Variants in MEGF8 observed in about 807,000 individuals in gnomAD.
MEGF8 encodes the protein multiple EGF like domains 8.
MEGF8 carries 156 observed loss-of-function variants against 302.9 expected under a neutral mutation model. The observed-to-expected ratio is 0.52, with a 90% CI of 0.45 to 0.59. MEGF8 has a LOEUF of 0.59. MEGF8 is among the 20% of genes least tolerant of loss of function. MEGF8 has a pLI of 0.00. For synonymous variants in MEGF8, 1,621 were observed against 1,660.5 expected (o/e 0.98, Z 0.58); for missense variants, 3,345 against 3,964.5 (o/e 0.84, Z 4.20).
rs1260384829 is a variant in MEGF8 at position 42,376,249 on chromosome 19, A to G, written c.8012A>G (p.Lys2671Arg). 1.9e-6 allele frequency: 3 copies of G among 1,608,838 alleles called. No individual in the cohort carries two copies. In the Admixed American group the frequency reaches 5.1e-5, roughly 27 times the overall value. The change falls in exon 42 of 42, where the codon AAG becomes AGG. Residue 2671 changes from lysine to arginine, a missense_variant. Coordinates refer to ENST00000251268, the MANE Select transcript of MEGF8 (RefSeq NM_001271938.2). The surrounding 1 kb of genome is among the most constrained non-coding windows in gnomAD (Gnocchi z 8.2). Reference sequence around the variant, plus strand: ...CTCTCACTCTGTGTGCTCCTCTGGAAGGCCAAGCAGGCTCTGGACCAGCGG... The same window carrying G: ...CTCTCACTCTGTGTGCTCCTCTGGAGGGCCAAGCAGGCTCTGGACCAGCGG... The part of the protein sequence containing the change: ...LFLSLCVLLW[K>R]AKQALDQRQE...
rs2039132744 is a variant in MEGF8 at position 42,336,692 on chromosome 19, A to G, written c.1245-115A>G. On this transcript the variant is annotated intron_variant, in intron 6 of 41. Transcript: ENST00000251268. The surrounding 1 kb of genome is among the most constrained non-coding windows in gnomAD (Gnocchi z 4.8). ...AGGGAACTTCTAGTTTGGAGGGGACATAGAGTCAGTCATGGCCAGTCTCAT... is the reference window on the plus strand; with the variant it reads ...AGGGAACTTCTAGTTTGGAGGGGACGTAGAGTCAGTCATGGCCAGTCTCAT... 6 of 1,436,506 alleles carry G rather than the reference A, an allele frequency of 4.2e-6. No homozygotes were observed. The highest frequency in any genetic ancestry group is 5.6e-6 in the Non-Finnish European group (6 of 1,071,852). 89.0% of individuals were successfully genotyped at this position (1,436,506 alleles called of 1,614,324 possible). A position where few individuals can be genotyped will look rare whatever the true frequency, so the allele number is the denominator to read the frequency against.
chr19:42,355,985 G>C lies in MEGF8; in HGVS notation c.4372G>C (p.Gly1458Arg), dbSNP rs1341047940. The C allele has an allele frequency of 6.2e-7, 1 of 1,611,952 alleles. No homozygotes were observed. The highest frequency in any genetic ancestry group is 2.2e-5 in the East Asian group (1 of 44,828). ...TCCTGAGAACTGCAATGCCCACACT[G>C]GGGCAGGAACTTGTAACCAGGTACA... Reference protein sequence around the residue: ...LCPENCNAHTGAGTCNQSLGV... With the variant: ...LCPENCNAHTRAGTCNQSLGV... The change falls in exon 24 of 42, where the codon GGG (glycine) becomes CGG (arginine). Residue 1458 changes from glycine to arginine, a missense_variant. Transcript: ENST00000251268.
chr19:42,344,632 C>T lies in MEGF8; in HGVS notation c.1934-38C>T. 6.4e-7 allele frequency: 1 copy of T among 1,566,354 alleles called. No homozygotes were observed. Among genetic ancestry groups the T allele is most frequent in the Non-Finnish European group, 8.7e-7 (1 of 1,153,096 alleles). ...CCGGCAGGAGGGGGCCAGAGCACTC[C>T]ACACTGACCCACCGGCCCCCACCCC... On this transcript the variant is annotated intron_variant, in intron 11 of 41. Coordinates refer to ENST00000251268, the MANE Select transcript of MEGF8 (RefSeq NM_001271938.2). This position sits in a 1 kb window ranked among gnomAD's most constrained non-coding sequence, Gnocchi z 4.5.
At chr19:42,361,040 T>A (rs1232861674) in intron 32 of MEGF8, 34 bp downstream of exon 32, 1 of 1,521,010 alleles carries the variant, frequency 6.6e-7, no homozygotes, top group Admixed American at 2.1e-5. Flanking sequence ...CAGTGGGGAG[T>A]GGAGCCCTCT....
In MEGF8 at chr19:42,355,774, C is replaced by T. The variant is rs753091733; in HGVS notation, c.4161C>T (p.His1387=). The change falls in exon 24 of 42, where the codon CAC becomes CAT. Residue 1387 remains histidine, a synonymous_variant. Transcript: ENST00000251268. ...VQALSGLLVL[H]WEANGSSSWG... ...TCTTCACAGGGCTGCTCGTGCTGCA[C>T]TGGGAGGCCAATGGCTCCTCATCCT... is the stretch of plus-strand genomic sequence containing the variant. 8 of 1,582,184 alleles carry T rather than the reference C, an allele frequency of 5.1e-6. No homozygotes were observed. Among genetic ancestry groups the T allele is most frequent in the Non-Finnish European group, 6.0e-6 (7 of 1,163,346 alleles).
Position 42,352,888 on chromosome 19 carries a change from C to T in MEGF8, c.3351-40C>T, listed in dbSNP as rs1218544229. ...GATGGGGTGCTTTAGGGGCTCTGGG[C>T]CTGCCTGGCGCTTTCCCCACCCCCA... On this transcript the variant is annotated intron_variant, in intron 19 of 41. Coordinates refer to ENST00000251268, the MANE Select transcript of MEGF8 (RefSeq NM_001271938.2). This position sits in a 1 kb window ranked among gnomAD's most constrained non-coding sequence, Gnocchi z 4.4. 2 of 1,455,250 alleles carry T rather than the reference C, an allele frequency of 1.4e-6. No individual in the cohort carries two copies. The highest frequency in any genetic ancestry group is 1.4e-5 in the African/African-American group (1 of 71,354). 90.1% of individuals were successfully genotyped at this position (1,455,250 alleles called of 1,614,324 possible).
Position 42,352,884 on chromosome 19 carries a change from TG to T in MEGF8, c.3351-41del. 7.1e-7 allele frequency: 1 copy of T among 1,416,108 alleles called. No individual in the cohort carries two copies. Among genetic ancestry groups the T allele is most frequent in the Non-Finnish European group, 9.7e-7 (1 of 1,026,142 alleles). 87.7% of individuals were successfully genotyped at this position (1,416,108 alleles called of 1,614,324 possible). ...AGATGATGGGGTGCTTTAGGGGCTC[TG>T]GGCCTGCCTGGCGCTTTCCCCACCC... On this transcript the variant is annotated intron_variant, in intron 19 of 41. Transcript: ENST00000251268. The surrounding 1 kb of genome is among the most constrained non-coding windows in gnomAD (Gnocchi z 4.4).
chr19:42,353,719 G>A lies in MEGF8; in HGVS notation c.3761+44G>A. 6.4e-7 allele frequency: 1 copy of A among 1,573,456 alleles called. No individual in the cohort carries two copies. Among genetic ancestry groups the A allele is most frequent in the Non-Finnish European group, 8.7e-7 (1 of 1,154,420 alleles). On this transcript the variant is annotated intron_variant, in intron 21 of 41. Transcript: ENST00000251268. This position sits in a 1 kb window ranked among gnomAD's most constrained non-coding sequence, Gnocchi z 6.1. ...CAGGGCTGGGTAGGGTGTGCTTGGG[G>A]ACACAGTGGGGAGGGTCAGGACTGG...
chr19:42,370,111 C>A, intron 38 of MEGF8, 78 bp from the exon 39 acceptor site: 1 of 1,485,544 alleles, frequency 6.7e-7, no homozygotes, highest in Non-Finnish European at 9.1e-7. Context: ...GCTCTCAGAA[C>A]CTGCCCCTGT....
In MEGF8 at chr19:42,358,144, G is replaced by T; in HGVS notation, c.5012G>T (p.Gly1671Val). 1 of 1,577,504 alleles carries T rather than the reference G, an allele frequency of 6.3e-7. No homozygotes were observed. The highest frequency in any genetic ancestry group is 8.6e-7 in the Non-Finnish European group (1 of 1,163,108). ...AGCCTGTCACCCTGCCCCTCACCAGGTCTCTATGGTCACTCTGCTGTCTAC... is the reference window on the plus strand; with the variant it reads ...AGCCTGTCACCCTGCCCCTCACCAGTTCTCTATGGTCACTCTGCTGTCTAC... ...SGAQSGTPPT[G>V]LYGHSAVYHE... Residue 1671 changes from glycine (G) to valine (V), a missense_variant and splice_region_variant, in exon 29 of 42, where the codon GGT becomes GTT. Gly to Val is a moderately radical substitution (Grantham distance 109, BLOSUM62 -3). Transcript: ENST00000251268. The surrounding 1 kb of genome is among the most constrained non-coding windows in gnomAD (Gnocchi z 4.4).
At chr19:42,328,665 G>A (rs1600003091) in intron 1 of MEGF8, among the ~76,000 whole-genome samples, 1 of 152,104 alleles carries the variant, frequency 6.6e-6, no homozygotes, top group African/African-American at 2.4e-5. Flanking sequence ...GCCAGGTGCG[G>A]TGGCTCACGC....
At chr19:42,338,565 C>G (rs1025612531) in intron 8 of MEGF8, among the ~76,000 whole-genome samples, 3 of 152,122 alleles carry the variant, frequency 2.0e-5, no homozygotes, top group Non-Finnish European at 4.4e-5. Context: ...TTTTGATCCT[C>G]TCCCTCCTCC....
chr19:42,375,824 C>A lies in MEGF8; in HGVS notation c.7587C>A (p.Pro2529=). ...TGVHTVHIQP[P]PAPPPPPPPA... ...TCCATACTGTACACATCCAGCCACC[C>A]CCAGCCCCACCACCTCCACCACCCC... Residue 2529 remains proline (P), a synonymous_variant, in exon 42 of 42, where the codon CCC becomes CCA. Coordinates refer to ENST00000251268, the MANE Select transcript of MEGF8 (RefSeq NM_001271938.2). This position sits in a 1 kb window ranked among gnomAD's most constrained non-coding sequence, Gnocchi z 7.1. The A allele has an allele frequency of 2.5e-6, 4 of 1,611,922 alleles. No homozygotes were observed. The South Asian group carries it at 4.4e-5, about 18-fold the overall frequency.
intron 3 of MEGF8, 35 bp from the exon 4 acceptor site, chr19:42,335,000 C>G (rs546329776): frequency 6.3e-7 from 1 of 1,580,238 alleles, no homozygotes; most frequent in Non-Finnish European, 8.6e-7. Context: ...GTCTCTCCCT[C>G]TCTTATCTCT....
chr19:42,375,951 C>A lies in MEGF8; in HGVS notation c.7714C>A (p.Arg2572=). ...GCCACGGGTACGGGAGGTATGGCCGCGGGGCCTGATTACCTACGTGACGGT... is the reference window on the plus strand; with the variant it reads ...GCCACGGGTACGGGAGGTATGGCCGAGGGGCCTGATTACCTACGTGACGGT... ...AEPRVREVWP[R]GLITYVTVTE... The change falls in exon 42 of 42, where the codon CGG becomes AGG. Residue 2572 remains arginine, a synonymous_variant. Transcript: ENST00000251268. The surrounding 1 kb of genome is among the most constrained non-coding windows in gnomAD (Gnocchi z 7.1). 6.2e-7 allele frequency: 1 copy of A among 1,605,754 alleles called. No homozygotes were observed. The highest frequency in any genetic ancestry group is 8.5e-7 in the Non-Finnish European group (1 of 1,176,720).
At position 42,358,300 on chromosome 19, in the gene MEGF8, G is replaced by A; in HGVS notation, c.5168G>A (p.Gly1723Glu). Reference sequence around the variant, plus strand: ...TGGAGTCTGCTGGCCCCTTCTCAGGGGGCAAAGGTCAGGAAAAGAGGCTCA... The same window carrying A: ...TGGAGTCTGCTGGCCCCTTCTCAGGAGGCAAAGGTCAGGAAAAGAGGCTCA... ...RTWSLLAPSQ[G>E]AKRDRMRNVR... Residue 1723 changes from glycine to glutamate, a missense_variant, in exon 29 of 42, where the codon GGG becomes GAG. Coordinates refer to ENST00000251268, the MANE Select transcript of MEGF8 (RefSeq NM_001271938.2). This position sits in a 1 kb window ranked among gnomAD's most constrained non-coding sequence, Gnocchi z 4.4. 6.2e-7 allele frequency: 1 copy of A among 1,601,876 alleles called. No individual in the cohort carries two copies. Among genetic ancestry groups the A allele is most frequent in the South Asian group, 1.1e-5 (1 of 88,538 alleles).
rs111865089 is a variant in MEGF8 at position 42,334,212 on chromosome 19, C to T, written c.557C>T (p.Ser186Leu). The change falls in exon 3 of 42, where the codon TCG becomes TTG. Residue 186 changes from serine (S) to leucine (L), a missense_variant and splice_region_variant. By Grantham distance (145) the Ser-to-Leu change is moderately radical (BLOSUM62 -2). Transcript: ENST00000251268. ...TGTGGCAGCCACGGCACCTGCGCCT[C>T]GGTGAGCCGGTCCCCAGCCCTGTTT... ...AYCGSHGTCA[S>L]PLGPCRCEPG... The T allele has an allele frequency of 2.1e-4, 330 of 1,589,946 alleles. No homozygotes were observed. The highest frequency in any genetic ancestry group is 1.3e-4 in the Non-Finnish European group (155 of 1,167,500).
Position 42,353,444 on chromosome 19 carries a change from C to T in MEGF8, c.3551-21C>T, listed in dbSNP as rs1309548427. ...TTCCACCCTTGACTTGACTCTGTCC[C>T]ACCTGCTGGGGCCTCCACAGACTGG... On this transcript the variant is annotated intron_variant, in intron 20 of 41. Transcript: ENST00000251268. This position sits in a 1 kb window ranked among gnomAD's most constrained non-coding sequence, Gnocchi z 6.1. 6.2e-7 allele frequency: 1 copy of T among 1,607,166 alleles called. No individual in the cohort carries two copies. The highest frequency in any genetic ancestry group is 8.5e-7 in the Non-Finnish European group (1 of 1,178,096).
At chr19:42,363,787 A>G (rs1225861124) in intron 35 of MEGF8, among the ~76,000 whole-genome samples, 1 of 152,138 alleles carries the variant, frequency 6.6e-6, no homozygotes, top group Non-Finnish European at 1.5e-5. Context: ...CTCTGAGAGC[A>G]GGAAGTGTTT....
Sources: gnomAD v4.1 joint callset for allele counts (sites outside exome capture counted in the v4.1 genomes callset) on GRCh38, gnomAD v4.1.1 for gene constraint, Gnocchi (gnomAD v3.1) non-coding constraint, MANE v1.5 for transcripts, NCBI Gene and HGNC (gene_info 2026-07-23, HGNC 2026-07-21) for gene names.